PLEKHG1: variants seen among roughly 807,000 people sequenced by gnomAD.
The protein encoded by PLEKHG1 is pleckstrin homology and RhoGEF domain containing G1, also known as pleckstrin homology domain-containing family G member 1.
In PLEKHG1, 44 loss-of-function variants were observed where a neutral mutation model predicts 100.8. That is an observed-to-expected ratio of 0.44 (90% confidence interval 0.34 to 0.56). The LOEUF (loss-of-function observed/expected upper bound fraction) is 0.56, where lower values mean the gene tolerates loss of function less well. PLEKHG1 is among the 20% of genes least tolerant of loss of function. The pLI is 0.01. For synonymous variants in PLEKHG1, 640 were observed against 662.5 expected, an observed-to-expected ratio of 0.97 and a Z score of 0.52; for missense variants, 1,545 against 1,720.9, an observed-to-expected ratio of 0.90 and a Z score of 1.81.
intron 3 of PLEKHG1, among the ~76,000 whole-genome samples, chr6:150,680,868 A>T (rs973967215): frequency 2.6e-5 from 4 of 152,220 alleles, no homozygotes; most frequent in Non-Finnish European, 4.4e-5. Context: ...AGAGGGCTAC[A>T]GCTGGAGGAG....
At position 150,764,362 on chromosome 6, in the gene PLEKHG1, A is replaced by T. The variant is rs540985612; in HGVS notation, c.412-4276A>T. Among the ~76,000 whole-genome samples the T allele has an allele frequency of 7.9e-5, 12 of 151,834 alleles. No individual in the cohort carries two copies. The South Asian group carries it at 2.3e-3, about 29-fold the overall frequency. ...TTGAACTCCTGACCCTAGATGATCC[A>T]CCTGTGTTTGCCTCCCAAAGTATTG... On this transcript the variant is annotated intron_variant, in intron 2 of 15. Transcript: ENST00000358517.
At chr6:150,608,461 A>G (rs928539996) in intron 1 of PLEKHG1, among the ~76,000 whole-genome samples, 2 of 152,236 alleles carry the variant, frequency 1.3e-5, no homozygotes, top group African/African-American at 4.8e-5. Context: ...TTACAGAAAT[A>G]AAGAAGAGAA....
intron 3 of PLEKHG1, among the ~76,000 whole-genome samples, chr6:150,701,313 C>T (rs1780762446): frequency 7.2e-6 from 1 of 139,108 alleles, no homozygotes; most frequent in Non-Finnish European, 1.6e-5. Context: ...GAGTGAGACT[C>T]TATCTCAAAA....
intron 10 of PLEKHG1, among the ~76,000 whole-genome samples, chr6:150,810,512 GAAAA>G (rs1161807615): frequency 1.5e-5 from 1 of 65,466 alleles, no homozygotes; most frequent in Non-Finnish European, 3.4e-5. Flanking sequence ...AAGAAAGAAA[GAAAA>G]AGAAAGAAAG....
chr6:150,817,250 A>C (rs527775881), intron 10 of PLEKHG1, among the ~76,000 whole-genome samples: 2 of 152,326 alleles, frequency 1.3e-5, no homozygotes, highest in East Asian at 3.9e-4. Flanking sequence ...CACCTAGTGA[A>C]GTGCCTGAGC....
chr6:150,654,495 A>C, intron 3 of PLEKHG1, among the ~76,000 whole-genome samples: 1 of 152,184 alleles, frequency 6.6e-6, no homozygotes, highest in East Asian at 1.9e-4. Flanking sequence ...TCTCATGAGC[A>C]GGTGCAGGAG....
chr6:150,630,514 GA>G (rs1307102919), intron 1 of PLEKHG1, among the ~76,000 whole-genome samples: 1 of 152,200 alleles, frequency 6.6e-6, no homozygotes, highest in Non-Finnish European at 1.5e-5. Context: ...ATATTATCCT[GA>G]ATATCTGAGT....
In PLEKHG1 at chr6:150,624,676, GA is replaced by G. The variant is rs1292736285; in HGVS notation, c.-203-13402del. 8 of 152,134 alleles carry G rather than the reference GA, an allele frequency of 5.3e-5. No homozygotes were observed. The East Asian group carries it at 1.5e-3, about 29-fold the overall frequency. 9.4% of individuals were successfully genotyped at this position (152,134 alleles called of 1,614,324 possible). On this transcript the variant is annotated intron_variant, in intron 1 of 3. Transcript: ENST00000367326. ...CTTTCTATGCACCAACACTTTCATA[GA>G]ATTTTTTTTTTCTCAGTTGTCACCA... is the stretch of plus-strand genomic sequence containing the variant.
intron 2 of PLEKHG1, among the ~76,000 whole-genome samples, chr6:150,763,293 A>T (rs1210272027): frequency 6.6e-6 from 1 of 152,000 alleles, no homozygotes. Context: ...AGCCTCCCAA[A>T]GTGTGGGGAT....
intron 1 of PLEKHG1, among the ~76,000 whole-genome samples, chr6:150,635,438 C>A (rs530862894): frequency 6.6e-6 from 1 of 152,238 alleles, no homozygotes; most frequent in African/African-American, 2.4e-5. Flanking sequence ...TGTGGATACA[C>A]TAAGTGTAAT....
At chr6:150,781,161 C>T (rs1785289613) in intron 3 of PLEKHG1, among the ~76,000 whole-genome samples, 1 of 150,228 alleles carries the variant, frequency 6.7e-6, no homozygotes, top group Middle Eastern at 3.4e-3. Flanking sequence ...AGGTGTAAGC[C>T]ACCGCGCCCG....
At chr6:150,643,847 T>C (rs1334769040) in intron 2 of PLEKHG1, among the ~76,000 whole-genome samples, 1 of 152,090 alleles carries the variant, frequency 6.6e-6, no homozygotes, top group African/African-American at 2.4e-5. Flanking sequence ...CTCTCCTCTG[T>C]GGTTTCCACT....
At chr6:150,747,970 C>T (rs928815594) in intron 2 of PLEKHG1, among the ~76,000 whole-genome samples, 1 of 152,014 alleles carries the variant, frequency 6.6e-6, no homozygotes, top group Non-Finnish European at 1.5e-5. Flanking sequence ...TGTTGTACAA[C>T]CATCACCACC....
chr6:150,679,836 C>T (rs1779876583), intron 3 of PLEKHG1, among the ~76,000 whole-genome samples: 1 of 152,142 alleles, frequency 6.6e-6, no homozygotes, highest in South Asian at 2.1e-4. Context: ...TACAGGTAGG[C>T]ATTGTCATGA....
At chr6:150,739,110 G>C (rs1328929844) in intron 2 of PLEKHG1, among the ~76,000 whole-genome samples, 2 of 152,118 alleles carry the variant, frequency 1.3e-5, no homozygotes, top group Non-Finnish European at 2.9e-5. Flanking sequence ...ATAGTTCACG[G>C]CCTGTTGTAA....
chr6:150,770,051 C>G (rs1244229778), intron 3 of PLEKHG1, among the ~76,000 whole-genome samples: 1 of 152,126 alleles, frequency 6.6e-6, no homozygotes, highest in Non-Finnish European at 1.5e-5. Flanking sequence ...GAAAATCTCC[C>G]TCATATGGTT....
intron 1 of PLEKHG1, among the ~76,000 whole-genome samples, chr6:150,621,114 A>G (rs1057030680): frequency 6.6e-6 from 1 of 152,146 alleles, no homozygotes; most frequent in African/African-American, 2.4e-5. Flanking sequence ...TGTTGCAAAG[A>G]GTCATTAATA....
At chr6:150,837,349 A>T (rs1168321749) in intron 15 of PLEKHG1, among the ~76,000 whole-genome samples, 1 of 152,228 alleles carries the variant, frequency 6.6e-6, no homozygotes, top group East Asian at 1.9e-4. Flanking sequence ...GCTTATGGAG[A>T]ATCTTGAGAG....
chr6:150,820,938 GA>G (rs763786316), intron 12 of PLEKHG1, among the ~76,000 whole-genome samples: 73 of 152,202 alleles, frequency 4.8e-4, no homozygotes, highest in Non-Finnish European at 7.5e-4. Flanking sequence ...CTCTGCTACT[GA>G]CAGGACTGAA....
Sources: allele counts gnomAD v4.1 joint callset (sites outside exome capture counted in the v4.1 genomes callset), GRCh38; gene constraint gnomAD v4.1.1; transcripts MANE v1.5; gene names NCBI Gene and HGNC (gene_info 2026-07-23, HGNC 2026-07-21).